Variants in CHD7 observed in about 807,000 individuals in gnomAD.
The protein encoded by CHD7 is ATP-dependent chromatin remodeler CHD7.
In CHD7, 24 loss-of-function variants were observed where a neutral mutation model predicts 307.3. The ratio of observed to expected loss-of-function variants is 0.08; its 90% CI spans 0.06 to 0.11. CHD7 has a LOEUF of 0.11. CHD7 is among the 10% of genes least tolerant of loss of function. CHD7 has a pLI of 1.00. For missense variants in CHD7, 3,106 were observed against 3,727.1 expected, an observed-to-expected ratio of 0.83 and a Z score of 4.34; for synonymous variants, 1,363 against 1,349.9, an observed-to-expected ratio of 1.01 and a Z score of -0.21.
chr8:60,714,123 G>C (rs1171170175), intron 1 of CHD7, among the ~76,000 whole-genome samples: 1 of 151,804 alleles, frequency 6.6e-6, no homozygotes, highest in East Asian at 2.0e-4. Context: ...CCGCGCTTCC[G>C]GGATGGGTCA....
intron 13 of CHD7, among the ~76,000 whole-genome samples, chr8:60,825,936 C>G (rs886470468): frequency 6.6e-6 from 1 of 151,764 alleles, no homozygotes; most frequent in Non-Finnish European, 1.5e-5. Flanking sequence ...TTTGCTGCAC[C>G]CATCAACTTA....
intron 1 of CHD7, among the ~76,000 whole-genome samples, chr8:60,697,822 C>A (rs1030409606): frequency 6.6e-6 from 1 of 152,204 alleles, no homozygotes; most frequent in African/African-American, 2.4e-5. Context: ...CTATGTATAT[C>A]ACTTTAATCA....
At position 60,854,409 on chromosome 8, in the gene CHD7, T is replaced by C. The variant is rs61743849; in HGVS notation, c.6822T>C (p.Ala2274=). The change falls in exon 32 of 38, where the codon GCT becomes GCC. Residue 2274 remains alanine, a synonymous_variant. Transcript: ENST00000423902. The part of the protein sequence containing the change: ...RGKNFDEESN[A]SMSTARDETR... Reference sequence around the variant, plus strand: ...AGAATTTTGATGAAGAAAGCAATGCTTCCATGAGCACTGCTAGAGATGAAA... The same window carrying C: ...AGAATTTTGATGAAGAAAGCAATGCCTCCATGAGCACTGCTAGAGATGAAA... The C allele has an allele frequency of 2.3e-4, 369 of 1,613,718 alleles. 2 individuals are homozygous for C. The highest frequency in any genetic ancestry group is 1.1e-3 in the Admixed American group (67 of 60,014).
chr8:60,766,982 C>A (rs997600595), intron 2 of CHD7, among the ~76,000 whole-genome samples: 2 of 152,116 alleles, frequency 1.3e-5, no homozygotes, highest in Non-Finnish European at 2.9e-5. Context: ...GCCTGGAGCG[C>A]CCCAGAAATT....
chr8:60,829,895 G>A (rs1804423558), intron 14 of CHD7, among the ~76,000 whole-genome samples: 1 of 152,156 alleles, frequency 6.6e-6, no homozygotes. Flanking sequence ...GCTCCTTAGT[G>A]CAGGGACTAG....
At chr8:60,689,759 C>T (rs182274208) in intron 1 of CHD7, among the ~76,000 whole-genome samples, 1 of 152,234 alleles carries the variant, frequency 6.6e-6, no homozygotes, top group African/African-American at 2.4e-5. Flanking sequence ...ACATTTTCAA[C>T]CTGAAAGACA....
chr8:60,810,414 G>A (rs549054658), intron 7 of CHD7, among the ~76,000 whole-genome samples: 15 of 137,378 alleles, frequency 1.1e-4, no homozygotes, highest in Admixed American at 2.9e-4. Flanking sequence ...TGTGTGTATC[G>A]AGTTACACAC....
chr8:60,768,556 A>G (rs1434984169), intron 2 of CHD7, among the ~76,000 whole-genome samples: 2 of 152,160 alleles, frequency 1.3e-5, no homozygotes, highest in Non-Finnish European at 2.9e-5. Context: ...TCCAACTTGT[A>G]TTAGTTTGGT....
chr8:60,838,372 A>T, intron 19 of CHD7, 117 bp downstream of exon 19: 11 of 895,924 alleles, frequency 1.2e-5, no homozygotes, highest in South Asian at 3.6e-5. Flanking sequence ...TTAATCATTA[A>T]CTCCCTGTGG....
intron 2 of CHD7, among the ~76,000 whole-genome samples, chr8:60,747,801 C>T (rs944741836): frequency 7.2e-5 from 11 of 152,164 alleles, no homozygotes; most frequent in Non-Finnish European, 1.3e-4. Context: ...CACCACCTGA[C>T]GTTAGTAAGG....
chr8:60,855,141 CAA>C (rs371363109), intron 32 of CHD7: 1 of 151,110 alleles, frequency 6.6e-6, no homozygotes, highest in East Asian at 1.9e-4. Flanking sequence ...TAAAACAACA[CAA>C]AAAATGAGCT....
At chr8:60,767,165 T>C (rs1326907495) in intron 2 of CHD7, among the ~76,000 whole-genome samples, 1 of 152,046 alleles carries the variant, frequency 6.6e-6, no homozygotes, top group Non-Finnish European at 1.5e-5. Context: ...AGAGCAACTT[T>C]TGTGGAATAT....
chr8:60,748,316 CAAT>C (rs1236514624), intron 2 of CHD7, among the ~76,000 whole-genome samples: 1 of 152,168 alleles, frequency 6.6e-6, no homozygotes, highest in Non-Finnish European at 1.5e-5. Flanking sequence ...ATTTAGGAAA[CAAT>C]GAGTGCAAAG....
Position 60,860,860 on chromosome 8 carries a change from T to G in CHD7, c.7609-44T>G, listed in dbSNP as rs572312592. On this transcript the variant is annotated intron_variant, in intron 34 of 37. Coordinates refer to ENST00000423902, the MANE Select transcript of CHD7 (RefSeq NM_017780.4). The stretch of plus-strand genomic sequence containing the variant: ...CTTGAAATAGGACATTGTCAGAGGC[T>G]CTCTCTTCGTGTGAGAATTCATACC... 7.8e-6 allele frequency: 11 copies of G among 1,419,104 alleles called. No homozygotes were observed. The South Asian group carries it at 1.4e-4, about 18-fold the overall frequency. The allele number at this position is 1,419,104 out of a possible 1,614,324, so 87.9% of individuals were successfully genotyped here. A position where few individuals can be genotyped will look rare whatever the true frequency, so the allele number is the denominator to read the frequency against.
chr8:60,816,153 CTG>C (rs1212544034), intron 7 of CHD7, among the ~76,000 whole-genome samples: 2 of 145,592 alleles, frequency 1.4e-5, no homozygotes, highest in Non-Finnish European at 3.1e-5. Flanking sequence ...CTCTCTCTCT[CTG>C]TAACAGGTAA....
chr8:60,695,980 G>GA (rs1237883128), intron 1 of CHD7, among the ~76,000 whole-genome samples: 1 of 152,040 alleles, frequency 6.6e-6, no homozygotes, highest in Admixed American at 6.6e-5. Flanking sequence ...CTATCCCAAG[G>GA]AAAAATCTAA....
chr8:60,788,273 T>G (rs1048913012), intron 3 of CHD7, among the ~76,000 whole-genome samples: 4 of 151,900 alleles, frequency 2.6e-5, no homozygotes, highest in Non-Finnish European at 4.4e-5. Flanking sequence ...TTATTTTTAT[T>G]TTTTGATTCT....
chr8:60,812,695 T>C (rs1586372093), intron 7 of CHD7, among the ~76,000 whole-genome samples: 1 of 151,420 alleles, frequency 6.6e-6, no homozygotes, highest in South Asian at 2.1e-4. Context: ...CATTTTTGAC[T>C]CAGTGATTTG....
intron 2 of CHD7, among the ~76,000 whole-genome samples, chr8:60,747,325 G>C (rs367964725): frequency 3.3e-5 from 5 of 151,890 alleles, no homozygotes; most frequent in Non-Finnish European, 5.9e-5. Flanking sequence ...TGATCCACCC[G>C]CTGTGGCCTC....
Sources: gnomAD v4.1 joint callset for allele counts (sites outside exome capture counted in the v4.1 genomes callset) on GRCh38, gnomAD v4.1.1 for gene constraint, MANE v1.5 for transcripts, NCBI Gene and HGNC (gene_info 2026-07-23, HGNC 2026-07-21) for gene names.